BTBD9: variants seen among roughly 807,000 people sequenced by gnomAD.
BTBD9 encodes BTB domain containing 9, also known as BTB/POZ domain-containing protein 9.
In BTBD9, 49 loss-of-function variants were observed where a neutral mutation model predicts 64.3. The observed-to-expected ratio is 0.76, with a 90% CI of 0.61 to 0.97. The LOEUF is 0.97. BTBD9 is among the 50% of genes least tolerant of loss of function. The pLI, the probability that BTBD9 is intolerant of heterozygous loss-of-function variation, is 0.00. For synonymous variants in BTBD9, 260 were observed against 274.7 expected, an observed-to-expected ratio of 0.95 and a Z score of 0.53; for missense variants, 598 against 762.1, an observed-to-expected ratio of 0.78 and a Z score of 2.53.
chr6:38,336,735 C>G (rs1291150173), intron 7 of BTBD9, among the ~76,000 whole-genome samples: 1 of 152,170 alleles, frequency 6.6e-6, no homozygotes, highest in African/African-American at 2.4e-5. Context: ...TACCCCAGCT[C>G]TGGTTAGTGC....
Position 38,189,836 on chromosome 6 carries a change from G to A in BTBD9, c.1641+2683C>T, listed in dbSNP as rs151333754. The stretch of plus-strand genomic sequence containing the variant: ...TTACAGGCACATACCACCATGTCCA[G>A]CTAATTTTTGTATTTTTAGCACAGA... On this transcript the variant is annotated intron_variant, in intron 10 of 10. Transcript: ENST00000481247. Among the ~76,000 whole-genome samples the A allele has an allele frequency of 4.5e-3, 691 of 152,170 alleles. 2 individuals are homozygous for A. The highest frequency in any genetic ancestry group is 7.3e-3 in the Non-Finnish European group (495 of 67,988).
chr6:38,394,515 G>T (rs1389057441), intron 6 of BTBD9, among the ~76,000 whole-genome samples: 1 of 152,180 alleles, frequency 6.6e-6, no homozygotes, highest in Non-Finnish European at 1.5e-5. Flanking sequence ...TTTTACAGAT[G>T]CATCATACAG....
intron 6 of BTBD9, among the ~76,000 whole-genome samples, chr6:38,412,312 A>C (rs1767462284): frequency 6.6e-6 from 1 of 152,168 alleles, no homozygotes; most frequent in African/African-American, 2.4e-5. Flanking sequence ...GAGTTCACAG[A>C]AAAGATCGGC....
chr6:38,223,708 C>T (rs1029333060), intron 9 of BTBD9, among the ~76,000 whole-genome samples: 29 of 152,078 alleles, frequency 1.9e-4, no homozygotes, highest in African/African-American at 4.8e-4. Flanking sequence ...TCTGCCCTCA[C>T]GCTGTCATAC....
chr6:38,313,496 G>A (rs1762917630), intron 7 of BTBD9, among the ~76,000 whole-genome samples: 1 of 152,106 alleles, frequency 6.6e-6, no homozygotes, highest in Non-Finnish European at 1.5e-5. Context: ...TTCCCCATCA[G>A]TATGATACTA....
chr6:38,296,449 T>A (rs1036642282), intron 7 of BTBD9, among the ~76,000 whole-genome samples: 1 of 152,136 alleles, frequency 6.6e-6, no homozygotes, highest in African/African-American at 2.4e-5. Context: ...TTTACTAAAT[T>A]CCTGTCTTCT....
chr6:38,556,714 T>C (rs1376850115), intron 6 of BTBD9, among the ~76,000 whole-genome samples: 1 of 151,412 alleles, frequency 6.6e-6, no homozygotes, highest in Non-Finnish European at 1.5e-5. Context: ...AAGACAGCAC[T>C]GTGTGTTTAA....
intron 1 of BTBD9, among the ~76,000 whole-genome samples, chr6:38,609,620 A>C (rs921632279): frequency 6.6e-6 from 1 of 152,188 alleles, no homozygotes; most frequent in Non-Finnish European, 1.5e-5. Flanking sequence ...AAAAACTCTA[A>C]AGGGTAGTGG....
chr6:38,183,256 T>C (rs186987110), intron 10 of BTBD9, among the ~76,000 whole-genome samples: 4,381 of 152,288 alleles, frequency 0.029, 115 homozygotes, highest in Middle Eastern at 0.065. Context: ...GGATTACAGG[T>C]GTGAGCCACC....
intron 1 of BTBD9, among the ~76,000 whole-genome samples, chr6:38,634,585 A>G (rs534865831): frequency 4.9e-4 from 74 of 151,196 alleles, no homozygotes; most frequent in African/African-American, 1.2e-3. Flanking sequence ...TTAAAAAAAA[A>G]GGGGGGGGAG....
At chr6:38,241,333 T>G (rs1763986109) in intron 9 of BTBD9, among the ~76,000 whole-genome samples, 1 of 152,190 alleles carries the variant, frequency 6.6e-6, no homozygotes, top group African/African-American at 2.4e-5. Context: ...AAGCAAGCAG[T>G]ATTATCCAGT....
intron 6 of BTBD9, among the ~76,000 whole-genome samples, chr6:38,446,877 A>T (rs1256171892): frequency 6.6e-6 from 1 of 152,208 alleles, no homozygotes; most frequent in East Asian, 1.9e-4. Context: ...CACGTACTGC[A>T]AAGTCCTAAA....
At chr6:38,416,565 C>G (rs1451690296) in intron 6 of BTBD9, among the ~76,000 whole-genome samples, 9 of 136,296 alleles carry the variant, frequency 6.6e-5, no homozygotes, top group African/African-American at 2.5e-4. Flanking sequence ...AGGATGGTCT[C>G]TATCTCCTGA....
intron 6 of BTBD9, among the ~76,000 whole-genome samples, chr6:38,389,403 A>G (rs1490816162): frequency 6.6e-6 from 1 of 152,232 alleles, no homozygotes; most frequent in African/African-American, 2.4e-5. Flanking sequence ...GGAAATTTCA[A>G]AATACTCTCT....
intron 7 of BTBD9, among the ~76,000 whole-genome samples, chr6:38,319,642 G>A (rs1763160615): frequency 6.6e-6 from 1 of 151,840 alleles, no homozygotes; most frequent in African/African-American, 2.4e-5. Context: ...CTATTCTACT[G>A]TGGATGAGCT....
At chr6:38,207,444 T>C (rs1171537959) in intron 9 of BTBD9, 2 of 161,052 alleles carry the variant, frequency 1.2e-5, no homozygotes, top group African/African-American at 2.4e-5. Flanking sequence ...GGGCATATAG[T>C]GAGACCCTGT....
intron 6 of BTBD9, among the ~76,000 whole-genome samples, chr6:38,351,944 TATA>T (rs1203012725): frequency 1.3e-5 from 2 of 152,188 alleles, no homozygotes; most frequent in South Asian, 2.1e-4. Context: ...TCACAAAAAT[TATA>T]ATATTTACAT....
At chr6:38,440,468 T>G (rs1223041704) in intron 6 of BTBD9, among the ~76,000 whole-genome samples, 1 of 152,138 alleles carries the variant, frequency 6.6e-6, no homozygotes, top group East Asian at 1.9e-4. Context: ...GTGGTAATAA[T>G]TGGTGACCTT....
chr6:38,495,794 G>T (rs1771931093), intron 6 of BTBD9, among the ~76,000 whole-genome samples: 1 of 151,998 alleles, frequency 6.6e-6, no homozygotes, highest in Admixed American at 6.6e-5. Flanking sequence ...ACAATGAAGA[G>T]GAGGTGCAAT....
Sources: gnomAD v4.1 joint callset for allele counts (sites outside exome capture counted in the v4.1 genomes callset) on GRCh38, gnomAD v4.1.1 for gene constraint, MANE v1.5 for transcripts, NCBI Gene and HGNC (gene_info 2026-07-23, HGNC 2026-07-21) for gene names.